KCNQ5: variants seen among roughly 807,000 people sequenced by gnomAD.
KCNQ5 encodes potassium voltage-gated channel subfamily Q member 5, also known as potassium voltage-gated channel subfamily KQT member 5.
KCNQ5 carries 30 observed loss-of-function variants against 98.2 expected under a neutral mutation model. The observed-to-expected ratio is 0.31, with a 90% CI of 0.23 to 0.41. The LOEUF is 0.41. Among genes scored for constraint, KCNQ5 ranks in the 10% least tolerant of loss-of-function variants. The pLI, the probability that KCNQ5 is intolerant of heterozygous loss-of-function variation, is 1.00. For missense variants in KCNQ5, 835 were observed against 1,182.5 expected, an observed-to-expected ratio of 0.71 and a Z score of 4.31; for synonymous variants, 458 against 449.4, an observed-to-expected ratio of 1.02 and a Z score of -0.24.
At chr6:73,143,801 C>T (rs993666320) in intron 10 of KCNQ5, among the ~76,000 whole-genome samples, 1 of 152,178 alleles carries the variant, frequency 6.6e-6, no homozygotes, top group African/African-American at 2.4e-5. Context: ...TATTGATTGG[C>T]ACTGAGGGGA....
chr6:73,024,633 T>A (rs1770791128), intron 2 of KCNQ5, among the ~76,000 whole-genome samples: 1 of 152,202 alleles, frequency 6.6e-6, no homozygotes, highest in Admixed American at 6.5e-5. Context: ...AGAATTCAGT[T>A]TTATGTTTCT....
intron 1 of KCNQ5, among the ~76,000 whole-genome samples, chr6:72,948,517 G>A (rs577742979): frequency 1.3e-5 from 2 of 152,110 alleles, no homozygotes; most frequent in East Asian, 3.9e-4. Context: ...TGGATTCACA[G>A]TCAGTATAAA....
chr6:72,844,103 T>A (rs1439370817), intron 1 of KCNQ5, among the ~76,000 whole-genome samples: 1 of 152,160 alleles, frequency 6.6e-6, no homozygotes, highest in Non-Finnish European at 1.5e-5. Context: ...CACGTATACC[T>A]ATGTAACAAA....
At chr6:73,100,962 C>T (rs1774748550) in intron 5 of KCNQ5, among the ~76,000 whole-genome samples, 1 of 151,934 alleles carries the variant, frequency 6.6e-6, no homozygotes, top group Non-Finnish European at 1.5e-5. Context: ...CTGAACAGAC[C>T]AATAACAAGT....
chr6:72,649,448 G>A (rs1047649773), intron 1 of KCNQ5, among the ~76,000 whole-genome samples: 10 of 152,062 alleles, frequency 6.6e-5, no homozygotes, highest in African/African-American at 2.4e-4. Flanking sequence ...GATAACTAAT[G>A]GTGCAGTTTC....
intron 3 of KCNQ5, among the ~76,000 whole-genome samples, chr6:73,071,615 G>A (rs926290290): frequency 6.6e-6 from 1 of 152,196 alleles, no homozygotes; most frequent in African/African-American, 2.4e-5. Context: ...AGAAGGTGAA[G>A]TGGGGCCAAC....
chr6:72,631,422 G>A (rs915250983), intron 1 of KCNQ5, among the ~76,000 whole-genome samples: 3 of 152,188 alleles, frequency 2.0e-5, no homozygotes, highest in Non-Finnish European at 1.5e-5. Context: ...ATGAAATGGA[G>A]TAGACAGGAG....
chr6:72,761,725 T>C (rs1772289720), intron 1 of KCNQ5, among the ~76,000 whole-genome samples: 1 of 152,088 alleles, frequency 6.6e-6, no homozygotes, highest in African/African-American at 2.4e-5. Context: ...GTAACTACAA[T>C]ATGCATATTT....
intron 1 of KCNQ5, among the ~76,000 whole-genome samples, chr6:72,871,787 C>T (rs1778216865): frequency 6.6e-6 from 1 of 152,074 alleles, no homozygotes; most frequent in South Asian, 2.1e-4. Flanking sequence ...CCACCTTCTC[C>T]CACCCCTCTG....
intron 1 of KCNQ5, among the ~76,000 whole-genome samples, chr6:72,791,249 T>G (rs1404932865): frequency 1.3e-5 from 2 of 152,212 alleles, no homozygotes; most frequent in African/African-American, 4.8e-5. Flanking sequence ...CAAAGTGTGC[T>G]GTAATGTATG....
At chr6:73,165,291 G>A (rs1180802994) in intron 10 of KCNQ5, among the ~76,000 whole-genome samples, 1 of 152,026 alleles carries the variant, frequency 6.6e-6, no homozygotes, top group African/African-American at 2.4e-5. Flanking sequence ...AGCTGTACTG[G>A]GACTCCTGAT....
intron 9 of KCNQ5, among the ~76,000 whole-genome samples, chr6:73,131,789 G>A (rs1184461738): frequency 1.3e-5 from 2 of 152,268 alleles, no homozygotes; most frequent in Admixed American, 1.3e-4. Flanking sequence ...GTCAAGCACA[G>A]ATAAACTCTT....
intron 1 of KCNQ5, among the ~76,000 whole-genome samples, chr6:72,964,951 AT>A (rs1263995495): frequency 6.7e-6 from 1 of 149,506 alleles, no homozygotes; most frequent in Non-Finnish European, 1.5e-5. Context: ...TTAAAAAAAA[AT>A]TCTTTTTTGG....
chr6:73,043,088 ATCT>A (rs1771789434), intron 3 of KCNQ5: 2 of 401,934 alleles, frequency 5.0e-6, no homozygotes, highest in Non-Finnish European at 1.1e-5. Context: ...TTGTTGCGTA[ATCT>A]TCTCAGTTTC....
At chr6:72,908,352 T>C (rs1226583212) in intron 1 of KCNQ5, among the ~76,000 whole-genome samples, 1 of 152,090 alleles carries the variant, frequency 6.6e-6, no homozygotes, top group Non-Finnish European at 1.5e-5. Flanking sequence ...CAAATAGATT[T>C]AGCTGCTCTT....
At chr6:72,732,264 G>T (rs942642404) in intron 1 of KCNQ5, among the ~76,000 whole-genome samples, 7 of 152,102 alleles carry the variant, frequency 4.6e-5, no homozygotes, top group African/African-American at 1.4e-4. Context: ...GGGTAAGAGG[G>T]ACTACATATT....
chr6:72,813,250 A>T (rs1211991018), intron 1 of KCNQ5, among the ~76,000 whole-genome samples: 1 of 152,154 alleles, frequency 6.6e-6, no homozygotes, highest in African/African-American at 2.4e-5. Flanking sequence ...TCAGGGGCTT[A>T]TTTCCAGAAT....
intron 10 of KCNQ5, among the ~76,000 whole-genome samples, chr6:73,153,495 T>C (rs966940711): frequency 6.6e-6 from 1 of 152,188 alleles, no homozygotes; most frequent in Non-Finnish European, 1.5e-5. Context: ...GCATAAACTA[T>C]AATCCTTATT....
Position 72,626,127 on chromosome 6 carries a change from C to T in KCNQ5, c.398+3540C>T, listed in dbSNP as rs143373609. Among the ~76,000 whole-genome samples the T allele has an allele frequency of 2.2e-3, 335 of 152,294 alleles. 2 individuals carry two copies. The highest frequency in any genetic ancestry group is 3.1e-3 in the Non-Finnish European group (211 of 68,020). ...CCTCCACTCTGGAGGAAGGAAAAGA[C>T]GCCAGCAAGGGACTACTACAAGCCT... On this transcript the variant is annotated intron_variant, in intron 1 of 13. Transcript: ENST00000370398.
Sources: gnomAD v4.1 joint callset for allele counts (sites outside exome capture counted in the v4.1 genomes callset) on GRCh38, gnomAD v4.1.1 for gene constraint, MANE v1.5 for transcripts, NCBI Gene and HGNC (gene_info 2026-07-23, HGNC 2026-07-21) for gene names.